The following CCSER1 variants were observed in gnomAD, a reference collection of about 807,000 sequenced individuals.
CCSER1 encodes coiled-coil serine rich protein 1, also known as serine-rich coiled-coil domain-containing protein 1.
A neutral mutation model predicts 82.0 loss-of-function variants in CCSER1; 41 were observed. The observed-to-expected ratio is 0.50, with a 90% confidence interval of 0.39 to 0.65. The LOEUF (loss-of-function observed/expected upper bound fraction) is 0.65. CCSER1 is among the 30% of genes least tolerant of loss of function. The probability of loss-of-function intolerance (pLI) is 0.00; values close to 1 mark genes in which losing one functional copy is unlikely to be tolerated. For synonymous variants in CCSER1, 414 were observed against 383.9 expected, an observed-to-expected ratio of 1.08 and a Z score of -0.92; for missense variants, 1,119 against 1,064.2, an observed-to-expected ratio of 1.05 and a Z score of -0.72.
intron 10 of CCSER1, among the ~76,000 whole-genome samples, chr4:91,390,137 A>C (rs1439510236): frequency 6.6e-6 from 1 of 152,000 alleles, no homozygotes; most frequent in Non-Finnish European, 1.5e-5. Flanking sequence ...GTTTCTAACC[A>C]TTAAGCCTGA....
chr4:90,866,381 T>C (rs1444468264), intron 8 of CCSER1, among the ~76,000 whole-genome samples: 1 of 152,054 alleles, frequency 6.6e-6, no homozygotes, highest in Non-Finnish European at 1.5e-5. Flanking sequence ...AGGGTCTTTA[T>C]AGTCACTTCC....
At chr4:91,238,818 T>C (rs1434432595) in intron 10 of CCSER1, among the ~76,000 whole-genome samples, 1 of 148,120 alleles carries the variant, frequency 6.8e-6, no homozygotes, top group African/African-American at 2.4e-5. Context: ...TGTTAGATAC[T>C]ATTTTAAGCA....
At chr4:91,003,424 G>T (rs944445603) in intron 9 of CCSER1, among the ~76,000 whole-genome samples, 3 of 152,090 alleles carry the variant, frequency 2.0e-5, no homozygotes, top group Non-Finnish European at 4.4e-5. Flanking sequence ...TGGCGGTGAG[G>T]TTCCCAGGTC....
intron 5 of CCSER1, among the ~76,000 whole-genome samples, chr4:90,475,218 G>T (rs755336868): frequency 5.3e-5 from 8 of 151,952 alleles, no homozygotes; most frequent in Non-Finnish European, 1.0e-4. Context: ...CCATCACTTC[G>T]TGCCTTCAAA....
chr4:90,640,853 T>C (rs1253457340), intron 6 of CCSER1, among the ~76,000 whole-genome samples: 2 of 152,180 alleles, frequency 1.3e-5, no homozygotes, highest in African/African-American at 2.4e-5. Context: ...TCCCCAGCCA[T>C]GCTGAATTAT....
Position 91,202,607 on chromosome 4 carries a change from C to G in CCSER1, c.2217+116613C>G, listed in dbSNP as rs1735993387. On this transcript the variant is annotated intron_variant, in intron 10 of 10. Coordinates refer to ENST00000509176, the MANE Select transcript of CCSER1 (RefSeq NM_001145065.2). The stretch of plus-strand genomic sequence containing the variant: ...TTGTTGTTAAAGAATATCTTAAAAT[C>G]TCAAAGCATTATTACCAGAAAGGGC... 2.0e-5 allele frequency among the ~76,000 whole-genome samples: 3 copies of G among 151,922 alleles called. No individual in the cohort carries two copies. In the South Asian group the frequency reaches 6.2e-4, roughly 32 times the overall value.
In CCSER1 at chr4:91,339,750, AG is replaced by A. The variant is rs113928971; in HGVS notation, c.2217+253757del. Among the ~76,000 whole-genome samples the A allele has an allele frequency of 1.4e-4, 21 of 152,292 alleles. 1 individual carries two copies. The highest frequency in any genetic ancestry group is 5.1e-4 in the African/African-American group (21 of 41,572). On this transcript the variant is annotated intron_variant, in intron 10 of 10. Transcript: ENST00000509176. The stretch of plus-strand genomic sequence containing the variant: ...GGGGATACATTCCAAGACCCCCAGT[AG>A]ATGCCTGAAAGCATAGATAGTACTG...
At chr4:90,864,348 G>A (rs1043792018) in intron 8 of CCSER1, among the ~76,000 whole-genome samples, 1 of 152,002 alleles carries the variant, frequency 6.6e-6, no homozygotes, top group Non-Finnish European at 1.5e-5. Flanking sequence ...AACCTCCAAT[G>A]CAACAGTGTT....
At chr4:91,184,785 T>C (rs1189828694) in intron 10 of CCSER1, among the ~76,000 whole-genome samples, 1 of 152,192 alleles carries the variant, frequency 6.6e-6, no homozygotes, top group Non-Finnish European at 1.5e-5. Flanking sequence ...CAAATTTTTT[T>C]CTAGTTCCAT....
chr4:90,826,108 G>A (rs549247196), intron 8 of CCSER1, among the ~76,000 whole-genome samples: 5 of 152,278 alleles, frequency 3.3e-5, no homozygotes, highest in African/African-American at 1.2e-4. Context: ...TTAAAGTGGA[G>A]GAAACTTCCT....
At chr4:90,810,216 C>T (rs1008163158) in intron 7 of CCSER1, among the ~76,000 whole-genome samples, 9 of 152,156 alleles carry the variant, frequency 5.9e-5, no homozygotes, top group African/African-American at 2.2e-4. Context: ...CCTTCCTTGG[C>T]CTCCCAAAGT....
At chr4:90,271,854 ATATATATATTTTT>A (rs1484480447) in intron 1 of CCSER1, among the ~76,000 whole-genome samples, 5 of 25,662 alleles carry the variant, frequency 1.9e-4, no homozygotes, top group Admixed American at 3.9e-4. Flanking sequence ...ATATATATAT[ATATATATATTTTT>A]TTTTTTTTTT....
chr4:91,168,043 G>A (rs1272625104), intron 10 of CCSER1, among the ~76,000 whole-genome samples: 3 of 150,400 alleles, frequency 2.0e-5, no homozygotes, highest in African/African-American at 7.4e-5. Context: ...TGGGAAGTGA[G>A]GGGCACCTCT....
chr4:90,728,531 T>C (rs1280953875), intron 7 of CCSER1, among the ~76,000 whole-genome samples: 1 of 152,144 alleles, frequency 6.6e-6, no homozygotes, highest in African/African-American at 2.4e-5. Flanking sequence ...ATAAATAAAT[T>C]GTTTCAAAAA....
At chr4:90,379,055 GA>G (rs1196892398) in intron 3 of CCSER1, among the ~76,000 whole-genome samples, 3 of 152,132 alleles carry the variant, frequency 2.0e-5, no homozygotes, top group Non-Finnish European at 4.4e-5. Flanking sequence ...AAAACAGAGT[GA>G]AAATTTATTA....
chr4:90,432,991 T>C (rs370062743), intron 4 of CCSER1, among the ~76,000 whole-genome samples: 1 of 152,142 alleles, frequency 6.6e-6, no homozygotes, highest in Non-Finnish European at 1.5e-5. Context: ...ACTTTGCTTA[T>C]ACCTACAACT....
chr4:91,370,447 A>G (rs1749952132), intron 10 of CCSER1, among the ~76,000 whole-genome samples: 1 of 152,178 alleles, frequency 6.6e-6, no homozygotes, highest in African/African-American at 2.4e-5. Context: ...CTGTAATCCC[A>G]GCACTTTGGG....
intron 10 of CCSER1, among the ~76,000 whole-genome samples, chr4:91,292,922 T>G (rs1446078164): frequency 6.6e-6 from 1 of 151,988 alleles, no homozygotes; most frequent in Admixed American, 6.6e-5. Flanking sequence ...CTCTCCCATA[T>G]GACATCTACA....
At chr4:90,304,473 A>C (rs901057489) in intron 1 of CCSER1, among the ~76,000 whole-genome samples, 18 of 152,240 alleles carry the variant, frequency 1.2e-4, no homozygotes, top group East Asian at 7.7e-4. Flanking sequence ...CAGCCATAAA[A>C]AATGATGAGT....
Sources: gnomAD v4.1 joint callset for allele counts (sites outside exome capture counted in the v4.1 genomes callset) on GRCh38, gnomAD v4.1.1 for gene constraint, MANE v1.5 for transcripts, NCBI Gene and HGNC (gene_info 2026-07-23, HGNC 2026-07-21) for gene names.